CNTN4: variants seen among roughly 807,000 people sequenced by gnomAD.
CNTN4 encodes the protein contactin-4.
A neutral mutation model predicts 122.5 loss-of-function variants in CNTN4; 77 were observed. The observed-to-expected ratio is 0.63, with a 90% CI of 0.52 to 0.76. The LOEUF is 0.76. Ranked by LOEUF, CNTN4 falls within the 30% of genes least tolerant of loss-of-function variation. The probability of loss-of-function intolerance (pLI) is 0.00; values close to 1 mark genes in which losing one functional copy is unlikely to be tolerated. For missense variants in CNTN4, 1,256 were observed against 1,259.1 expected, an observed-to-expected ratio of 1.00 and a Z score of 0.04; for synonymous variants, 512 against 447.0, an observed-to-expected ratio of 1.15 and a Z score of -1.83.
At chr3:2,303,324 G>A (rs1373591014) in intron 2 of CNTN4, among the ~76,000 whole-genome samples, 2 of 152,056 alleles carry the variant, frequency 1.3e-5, no homozygotes, top group African/African-American at 4.8e-5. Context: ...ATTTTAGAAT[G>A]TTTTTATCAC....
At chr3:2,732,201 G>C (rs566553831) in intron 4 of CNTN4, among the ~76,000 whole-genome samples, 49 of 152,286 alleles carry the variant, frequency 3.2e-4, no homozygotes, top group African/African-American at 1.1e-3. Context: ...CTTAGGAAAT[G>C]GAGAGCCAGG....
chr3:2,730,036 G>A (rs1321371169), intron 4 of CNTN4, among the ~76,000 whole-genome samples: 2 of 152,206 alleles, frequency 1.3e-5, no homozygotes, highest in Non-Finnish European at 2.9e-5. Flanking sequence ...GAATCTACCT[G>A]TTAACAAGCA....
At chr3:2,988,564 T>C in intron 14 of CNTN4, 92 bp downstream of exon 14, 1 of 1,300,828 alleles carries the variant, frequency 7.7e-7, no homozygotes, top group Non-Finnish European at 1.1e-6. Context: ...CATATTAATA[T>C]GTACAGATAC....
At chr3:2,820,192 T>G (rs1158505718) in intron 7 of CNTN4, among the ~76,000 whole-genome samples, 1 of 152,180 alleles carries the variant, frequency 6.6e-6, no homozygotes, top group African/African-American at 2.4e-5. Flanking sequence ...CTCACACACT[T>G]CTGACTAACT....
intron 7 of CNTN4, among the ~76,000 whole-genome samples, chr3:2,822,317 C>T (rs183964394): frequency 6.6e-6 from 1 of 152,296 alleles, no homozygotes; most frequent in Admixed American, 6.5e-5. Context: ...CTCACTCTGC[C>T]TGTCTATAAA....
intron 2 of CNTN4, among the ~76,000 whole-genome samples, chr3:2,171,660 C>A (rs765668255): frequency 3.1e-4 from 47 of 152,296 alleles, no homozygotes; most frequent in Non-Finnish European, 5.4e-4. Context: ...TTCTGAATGA[C>A]ATATCCCAAA....
chr3:2,771,617 G>A (rs1397834113), intron 6 of CNTN4, among the ~76,000 whole-genome samples: 1 of 152,070 alleles, frequency 6.6e-6, no homozygotes, highest in Non-Finnish European at 1.5e-5. Flanking sequence ...TTCCAATTAT[G>A]TAAATGTCTT....
intron 3 of CNTN4, among the ~76,000 whole-genome samples, chr3:2,494,986 AT>A (rs923202810): frequency 1.1e-4 from 17 of 152,192 alleles, no homozygotes; most frequent in Non-Finnish European, 2.2e-4. Flanking sequence ...TTGTATATAC[AT>A]TTTTTTTCCT....
intron 4 of CNTN4, among the ~76,000 whole-genome samples, chr3:2,660,179 G>A (rs6442743): frequency 6.6e-6 from 1 of 151,658 alleles, no homozygotes; most frequent in Admixed American, 6.6e-5. Context: ...GCCACAGCAC[G>A]CACTGATTTC....
chr3:2,434,890 A>G (rs923806025), intron 3 of CNTN4, among the ~76,000 whole-genome samples: 6 of 152,146 alleles, frequency 3.9e-5, no homozygotes, highest in African/African-American at 1.4e-4. Context: ...TTCATATCCA[A>G]AGAATCTTGG....
chr3:2,235,473 C>G (rs2039646223), intron 2 of CNTN4, among the ~76,000 whole-genome samples: 1 of 151,992 alleles, frequency 6.6e-6, no homozygotes, highest in African/African-American at 2.4e-5. Flanking sequence ...TTATTTTCCT[C>G]CCCTTTTTCT....
At chr3:2,496,025 C>G (rs903925789) in intron 3 of CNTN4, among the ~76,000 whole-genome samples, 2 of 152,094 alleles carry the variant, frequency 1.3e-5, no homozygotes, top group Non-Finnish European at 2.9e-5. Context: ...CAAGCGGGCT[C>G]AGAAAAATTA....
intron 3 of CNTN4, among the ~76,000 whole-genome samples, chr3:2,496,605 AAGC>A (rs986974281): frequency 6.6e-5 from 10 of 152,100 alleles, no homozygotes; most frequent in Admixed American, 2.0e-4. Flanking sequence ...GGTGGTTGGA[AAGC>A]AGAACAGAAG....
chr3:2,552,227 A>G (rs2078538515), intron 3 of CNTN4, among the ~76,000 whole-genome samples: 1 of 152,200 alleles, frequency 6.6e-6, no homozygotes, highest in Non-Finnish European at 1.5e-5. Context: ...ATAACAAAAC[A>G]AAAAACAAGA....
intron 6 of CNTN4, among the ~76,000 whole-genome samples, chr3:2,787,991 T>C (rs968518829): frequency 6.6e-6 from 1 of 152,114 alleles, no homozygotes; most frequent in African/African-American, 2.4e-5. Flanking sequence ...GGCTTCACCA[T>C]GTTGGCCAGG....
chr3:2,345,087 G>A lies in CNTN4; in HGVS notation c.-89+5854G>A, dbSNP rs79247909. Among the ~76,000 whole-genome samples the A allele has an allele frequency of 6.8e-4, 104 of 152,290 alleles. 1 individual carries two copies. The highest frequency in any genetic ancestry group is 2.2e-3 in the African/African-American group (92 of 41,560). ...AGGTAACATTACCTGTGCTGAGAGA[G>A]GAGTATTAACATGCTGTAAGTGAGA... is the stretch of plus-strand genomic sequence containing the variant. On this transcript the variant is annotated intron_variant, in intron 3 of 24. Coordinates refer to ENST00000418658, the MANE Select transcript of CNTN4 (RefSeq NM_175607.3).
chr3:2,441,988 C>G (rs1278009482), intron 3 of CNTN4, among the ~76,000 whole-genome samples: 1 of 152,080 alleles, frequency 6.6e-6, no homozygotes, highest in Non-Finnish European at 1.5e-5. Flanking sequence ...TCATGTCTTG[C>G]TTTTTTCCTC....
chr3:2,337,802 A>G (rs1400730199), intron 2 of CNTN4, among the ~76,000 whole-genome samples: 1 of 150,534 alleles, frequency 6.6e-6, no homozygotes, highest in Admixed American at 6.6e-5. Flanking sequence ...ATTTGAAAAA[A>G]CAAAAAACTT....
chr3:2,375,237 C>T (rs1370604404), intron 3 of CNTN4, among the ~76,000 whole-genome samples: 1 of 152,154 alleles, frequency 6.6e-6, no homozygotes, highest in Admixed American at 6.5e-5. Context: ...TTTTGCCTTG[C>T]GGAGGGTATC....
Sources: allele counts gnomAD v4.1 joint callset (sites outside exome capture counted in the v4.1 genomes callset), GRCh38; gene constraint gnomAD v4.1.1; transcripts MANE v1.5; gene names NCBI Gene and HGNC (gene_info 2026-07-23, HGNC 2026-07-21).